Variants in LIG3 observed in about 807,000 individuals in gnomAD.
LIG3 encodes ligase II, DNA, ATP-dependent.
LIG3 carries 58 observed loss-of-function variants against 110.9 expected under a neutral mutation model. That is an observed-to-expected ratio of 0.52 (90% CI 0.42 to 0.65). The LOEUF (loss-of-function observed/expected upper bound fraction) is 0.65, where lower values mean the gene tolerates loss of function less well. Ranked by LOEUF, LIG3 falls within the 30% of genes least tolerant of loss-of-function variation. The probability of loss-of-function intolerance (pLI) is 0.00; values close to 1 mark genes in which losing one functional copy is unlikely to be tolerated. For missense variants in LIG3, 1,094 were observed against 1,273.8 expected (o/e 0.86, Z 2.15); for synonymous variants, 422 against 472.8 (o/e 0.89, Z 1.39).
intron 3 of LIG3, among the ~76,000 whole-genome samples, chr17:34,987,471 T>C (rs1425661142): frequency 4.6e-5 from 7 of 152,248 alleles, no homozygotes; most frequent in Non-Finnish European, 1.0e-4. Context: ...GCTGCTTTTA[T>C]TGTTTGGAGA....
intron 15 of LIG3, 48 bp downstream of exon 15, chr17:34,999,497 A>T (rs756580288): frequency 6.3e-7 from 1 of 1,592,570 alleles, no homozygotes; most frequent in Non-Finnish European, 8.6e-7. Context: ...GGCCGCCATC[A>T]CTGAGACAGA....
chr17:35,003,457 G>T, intron 19 of LIG3: 1 of 198,502 alleles, frequency 5.0e-6, no homozygotes, highest in Non-Finnish European at 1.1e-5. Flanking sequence ...TGGGAGTATA[G>T]GCATGTGCCA....
chr17:35,001,171 G>C, intron 16 of LIG3, 86 bp from the exon 17 acceptor site: 1 of 1,424,866 alleles, frequency 7.0e-7, no homozygotes, highest in Non-Finnish European at 9.8e-7. Flanking sequence ...CTTCCTAAGT[G>C]CTGGGATTAC....
At chr17:34,994,895 G>A (rs775785211) in intron 9 of LIG3, among the ~76,000 whole-genome samples, 3 of 152,194 alleles carry the variant, frequency 2.0e-5, no homozygotes, top group Non-Finnish European at 4.4e-5. Flanking sequence ...ATGGACAAAA[G>A]TTCTGGCCAC....
Position 34,999,775 on chromosome 17 carries a change from C to T in LIG3, c.2257-7C>T, listed in dbSNP as rs1597801324. ...AACAGCCCAAAGTAGCATCTTTTCT[C>T]CTCTAGGACCCCAGCAAAATACCCA... On this transcript the variant is annotated splice_polypyrimidine_tract_variant and splice_region_variant and intron_variant, in intron 15 of 19. Transcript: ENST00000378526. The T allele has an allele frequency of 6.2e-7, 1 of 1,613,284 alleles. No individual in the cohort carries two copies. The highest frequency in any genetic ancestry group is 8.5e-7 in the Non-Finnish European group (1 of 1,179,240).
intron 9 of LIG3, 146 bp from the exon 10 acceptor site, chr17:34,995,918 A>G: frequency 1.0e-6 from 1 of 976,254 alleles, no homozygotes; most frequent in Non-Finnish European, 1.5e-6. Context: ...GTGGCTCGCA[A>G]GGCCTAGCTA....
At position 34,980,582 on chromosome 17, in the gene LIG3, A is replaced by G. The variant is rs1468082762; in HGVS notation, c.-45A>G. On this transcript the variant is annotated 5_prime_UTR_variant, in exon 1 of 20. Transcript: ENST00000378526. ...GGCTGCCCGCGGCCTGTAATGAGCA[A>G]GTTCCGAGGCCTACGGTGAGCGCCG... The G allele has an allele frequency of 7.8e-7, 1 of 1,287,206 alleles. No homozygotes were observed. 79.7% of individuals were successfully genotyped at this position (1,287,206 alleles called of 1,614,324 possible).
chr17:34,986,135 A>G lies in LIG3; in HGVS notation c.691+4A>G. 1 of 1,613,904 alleles carries G rather than the reference A, an allele frequency of 6.2e-7. No homozygotes were observed. Among genetic ancestry groups the G allele is most frequent in the Admixed American group, 1.7e-5 (1 of 60,000 alleles). On this transcript the variant is annotated splice_donor_region_variant and intron_variant, in intron 3 of 19. Coordinates refer to ENST00000378526, the MANE Select transcript of LIG3 (RefSeq NM_013975.4). Reference sequence around the variant, plus strand: ...CGGAAATTTTCTGGCTTTTCAGGTAAGATAGGTTAGGGCTACTTTAGCTGT... The same window carrying G: ...CGGAAATTTTCTGGCTTTTCAGGTAGGATAGGTTAGGGCTACTTTAGCTGT...
intron 17 of LIG3, 75 bp from the exon 18 acceptor site, chr17:35,001,834 A>G (rs2090845059): frequency 7.3e-7 from 1 of 1,362,846 alleles, no homozygotes; most frequent in Non-Finnish European, 1.0e-6. Flanking sequence ...CGCCTAAAAT[A>G]CACCACACAC....
chr17:35,006,814 GC>G lies in LIG3; in HGVS notation c.*2317del, dbSNP rs3833128. 2,185 of 145,424 alleles carry G rather than the reference GC, an allele frequency of 0.015. 47 individuals are homozygous for G. Among genetic ancestry groups the G allele is most frequent in the African/African-American group, 0.05 (2,001 of 39,698 alleles). 9.0% of individuals were successfully genotyped at this position (145,424 alleles called of 1,614,324 possible). ...CACTGCGCCCCCTGGCCACCCCACC[GC>G]CCCCCCCCAACTTTGATCTGATTGA... On this transcript the variant is annotated 3_prime_UTR_variant, in exon 20 of 20. Coordinates refer to ENST00000378526, the MANE Select transcript of LIG3 (RefSeq NM_013975.4).
At chr17:34,990,574 G>A (rs896193130) in intron 4 of LIG3, among the ~76,000 whole-genome samples, 6 of 151,740 alleles carry the variant, frequency 4.0e-5, no homozygotes, top group Non-Finnish European at 2.9e-5. Context: ...GCCACCATGC[G>A]CGGTCTGAGT....
At chr17:34,998,369 C>G (rs2090802583) in intron 13 of LIG3, 73 bp downstream of exon 13, 2 of 1,376,598 alleles carry the variant, frequency 1.5e-6, no homozygotes, top group Admixed American at 4.0e-5. Context: ...CCAGCCCTGA[C>G]CAGGAGATGG....
chr17:34,999,890 A>C, intron 16 of LIG3, 34 bp downstream of exon 16: 1 of 1,546,540 alleles, frequency 6.5e-7, no homozygotes, highest in Non-Finnish European at 8.9e-7. Flanking sequence ...CCTCCAGCTC[A>C]TAGAATTAGC....
intron 4 of LIG3, among the ~76,000 whole-genome samples, chr17:34,990,251 C>G (rs372853023): frequency 2.6e-5 from 4 of 152,184 alleles, no homozygotes; most frequent in African/African-American, 9.7e-5. Flanking sequence ...ATATAGATAT[C>G]TTTTGGTCTC....
intron 13 of LIG3, 36 bp downstream of exon 13, chr17:34,998,332 A>C (rs1180800911): frequency 6.4e-7 from 1 of 1,564,230 alleles, no homozygotes. Flanking sequence ...CTGTCGACTC[A>C]CTCGCAGCCC....
intron 19 of LIG3, 22 bp from the exon 20 acceptor site, chr17:35,004,251 C>T (rs757797035): frequency 6.3e-7 from 1 of 1,594,702 alleles, no homozygotes; most frequent in Admixed American, 1.7e-5. Context: ...CTGACCCCAC[C>T]CTGACCCCTC....
In LIG3 at chr17:34,994,293, C is replaced by T. The variant is rs777503985; in HGVS notation, c.1473C>T (p.Ser491=). 15 of 1,613,040 alleles carry T rather than the reference C, an allele frequency of 9.3e-6. No individual in the cohort carries two copies. The highest frequency in any genetic ancestry group is 4.4e-5 in the South Asian group (4 of 90,990). ...ACCCCAAGGCGGAGGCCTGCAAGTC[C>T]GTTGAGTATGCAATGAAGAAATGTC... The part of the protein sequence containing the change: ...VQPMLAEACK[S]VEYAMKKCPN... Residue 491 remains serine (S), a synonymous_variant, in exon 9 of 20, where the codon TCC becomes TCT. Transcript: ENST00000378526.
chr17:34,997,796 A>G lies in LIG3; in HGVS notation c.1882A>G (p.Ile628Val). The G allele has an allele frequency of 6.2e-7, 1 of 1,614,106 alleles. No homozygotes were observed. Among genetic ancestry groups the G allele is most frequent in the East Asian group, 2.2e-5 (1 of 44,882 alleles). The stretch of plus-strand genomic sequence containing the variant: ...CAACATGGTTGAAATTCCAAACCGG[A>G]TCATGTTCTCAGAAATGAAGCGAGT... Reference protein sequence around the residue: ...HDNMVEIPNRIMFSEMKRVTK... With the variant: ...HDNMVEIPNRVMFSEMKRVTK... Residue 628 changes from isoleucine to valine, a missense_variant, in exon 12 of 20, where the codon ATC becomes GTC. Physicochemically the swap from Ile to Val is conservative, Grantham distance 29. Transcript: ENST00000378526.
intron 13 of LIG3, 23 bp from the exon 14 acceptor site, chr17:34,998,581 G>C (rs747062358): frequency 1.2e-6 from 2 of 1,612,994 alleles, no homozygotes; most frequent in Non-Finnish European, 1.7e-6. Flanking sequence ...CTATTCTGTG[G>C]TCTCTCTTTT....
Sources: gnomAD v4.1 joint callset for allele counts (sites outside exome capture counted in the v4.1 genomes callset) on GRCh38, gnomAD v4.1.1 for gene constraint, MANE v1.5 for transcripts, NCBI Gene and HGNC (gene_info 2026-07-23, HGNC 2026-07-21) for gene names.